Variants in TEK observed in about 807,000 individuals in gnomAD.
TEK encodes TEK receptor tyrosine kinase, also known as angiopoietin-1 receptor.
Under a neutral mutation model 131.8 loss-of-function variants are expected in TEK, and 43 were observed. That is an observed-to-expected ratio of 0.33 (90% CI 0.26 to 0.42). TEK has a LOEUF of 0.42. Ranked by LOEUF, TEK falls within the 10% of genes least tolerant of loss-of-function variation. The pLI is 1.00. For synonymous variants in TEK, 580 were observed against 491.6 expected (o/e 1.18, Z -2.38); for missense variants, 1,162 against 1,384.4 (o/e 0.84, Z 2.55).
chr9:27,158,681 G>GGC (rs1823433012), intron 2 of TEK, among the ~76,000 whole-genome samples: 2 of 149,464 alleles, frequency 1.3e-5, no homozygotes, highest in Non-Finnish European at 3.0e-5. Flanking sequence ...TTTTTGGGGG[G>GGC]GTGGAGTCTC....
At chr9:27,211,550 C>T (rs1472350674) in intron 16 of TEK, among the ~76,000 whole-genome samples, 1 of 149,080 alleles carries the variant, frequency 6.7e-6, no homozygotes, top group Non-Finnish European at 1.5e-5. Flanking sequence ...CATCCCTGGG[C>T]TCAAGCAGTC....
chr9:27,205,266 T>C (rs1194829924), intron 14 of TEK, among the ~76,000 whole-genome samples: 1 of 152,146 alleles, frequency 6.6e-6, no homozygotes, highest in African/African-American at 2.4e-5. Flanking sequence ...AGAACAATTT[T>C]GAGAGTGAAA....
At chr9:27,157,683 G>T (rs1401708813) in intron 1 of TEK, 148 bp from the exon 2 acceptor site, 5 of 960,788 alleles carry the variant, frequency 5.2e-6, no homozygotes, top group Non-Finnish European at 8.0e-6. Context: ...TTTGGATTTT[G>T]TCCAGTGGAA....
At chr9:27,195,991 A>T (rs1824993207) in intron 11 of TEK, among the ~76,000 whole-genome samples, 1 of 152,218 alleles carries the variant, frequency 6.6e-6, no homozygotes, top group African/African-American at 2.4e-5. Flanking sequence ...CCTTGATGTG[A>T]TCAGAGCAGG....
At chr9:27,215,210 A>G (rs1030673390) in intron 18 of TEK, among the ~76,000 whole-genome samples, 2 of 152,126 alleles carry the variant, frequency 1.3e-5, no homozygotes, top group African/African-American at 4.8e-5. Context: ...TATTGGGGTT[A>G]TTTACAGGGG....
intron 12 of TEK, among the ~76,000 whole-genome samples, chr9:27,198,833 C>T (rs1258186225): frequency 7.9e-5 from 12 of 152,226 alleles, no homozygotes; most frequent in Non-Finnish European, 2.9e-5. Context: ...AGGTCTTGCT[C>T]TGTTGCCCAG....
chr9:27,168,987 T>C (rs1486141186), intron 3 of TEK, among the ~76,000 whole-genome samples: 1 of 152,220 alleles, frequency 6.6e-6, no homozygotes, highest in Admixed American at 6.5e-5. Flanking sequence ...AGTCCAACTG[T>C]GTAATCCAAA....
rs481294 is a variant in TEK at position 27,190,892 on chromosome 9, C to T, written c.1489+202C>T. Among the ~76,000 whole-genome samples the T allele has an allele frequency of 0.78, 118,437 of 152,088 alleles. 46,457 individuals carry two copies. The highest frequency in any genetic ancestry group is 0.83 in the African/African-American group (34,616 of 41,502). ...GGGCTAACTTTCTGAAGTCACTGTGCGCTCTAGAACACAGAACCAGCTCAC... is the reference window on the plus strand; with the variant it reads ...GGGCTAACTTTCTGAAGTCACTGTGTGCTCTAGAACACAGAACCAGCTCAC... On this transcript the variant is annotated intron_variant, in intron 10 of 22. Transcript: ENST00000380036.
chr9:27,155,014 G>A (rs543688635), intron 1 of TEK, among the ~76,000 whole-genome samples: 2 of 152,316 alleles, frequency 1.3e-5, no homozygotes, highest in Admixed American at 6.5e-5. Context: ...CACTGCCACC[G>A]CTGGGAGCTC....
At chr9:27,146,720 ATTT>A (rs34727945) in intron 1 of TEK, among the ~76,000 whole-genome samples, 25 of 113,680 alleles carry the variant, frequency 2.2e-4, no homozygotes, top group African/African-American at 6.3e-4. Context: ...TAAACATTCT[ATTT>A]TTTTTTTTTT....
intron 1 of TEK, among the ~76,000 whole-genome samples, chr9:27,153,031 G>C (rs189534378): frequency 3.9e-5 from 6 of 152,320 alleles, no homozygotes; most frequent in African/African-American, 1.4e-4. Flanking sequence ...AAAATACAGT[G>C]AGCAAAACAT....
At chr9:27,156,628 C>G (rs779710347) in intron 1 of TEK, among the ~76,000 whole-genome samples, 11 of 152,158 alleles carry the variant, frequency 7.2e-5, no homozygotes, top group Non-Finnish European at 1.3e-4. Context: ...CCAGCTCTGC[C>G]TTCAATAGCT....
chr9:27,229,262 C>A lies in TEK; in HGVS notation c.*30C>A. 1 of 1,607,690 alleles carries A rather than the reference C, an allele frequency of 6.2e-7. No homozygotes were observed. Among genetic ancestry groups the A allele is most frequent in the Non-Finnish European group, 8.5e-7 (1 of 1,174,290 alleles). ...GAACATCTGTATACCCTCTGTTTCC[C>A]TTTCACTGGCATGGGAGACCCTTGA... On this transcript the variant is annotated 3_prime_UTR_variant, in exon 23 of 23. Coordinates refer to ENST00000380036, the MANE Select transcript of TEK (RefSeq NM_000459.5).
chr9:27,165,459 C>A (rs1429159265), intron 2 of TEK, among the ~76,000 whole-genome samples: 1 of 152,118 alleles, frequency 6.6e-6, no homozygotes, highest in Non-Finnish European at 1.5e-5. Context: ...ACCATCCAGT[C>A]CCCTGTCTGC....
chr9:27,157,761 A>C, intron 1 of TEK, 70 bp from the exon 2 acceptor site: 1 of 1,525,890 alleles, frequency 6.6e-7, no homozygotes, highest in Admixed American at 1.7e-5. Flanking sequence ...AGGCTTTGTG[A>C]GCACCAGTTT....
At chr9:27,137,817 C>T (rs1372590827) in intron 1 of TEK, among the ~76,000 whole-genome samples, 3 of 151,952 alleles carry the variant, frequency 2.0e-5, no homozygotes, top group African/African-American at 7.3e-5. Flanking sequence ...TTTCTCTCTG[C>T]CTTTCCTGGT....
intron 1 of TEK, among the ~76,000 whole-genome samples, chr9:27,136,085 A>ATTT (rs36023271): frequency 0.026 from 3,553 of 136,974 alleles, 176 homozygotes; most frequent in African/African-American, 0.09. Flanking sequence ...CAGGGCAGTT[A>ATTT]TTTTTTTTTT....
chr9:27,220,297 C>T (rs1448958282), intron 21 of TEK, 152 bp downstream of exon 21: 1 of 685,818 alleles, frequency 1.5e-6, no homozygotes, highest in Non-Finnish European at 2.6e-6. Flanking sequence ...CTTTTATTCA[C>T]CTAATACTGT....
chr9:27,163,321 A>G (rs777801595), intron 2 of TEK, among the ~76,000 whole-genome samples: 3 of 152,120 alleles, frequency 2.0e-5, no homozygotes, highest in Non-Finnish European at 2.9e-5. Flanking sequence ...GGAACACCCA[A>G]TCTAGTAGGG....
Sources: allele counts gnomAD v4.1 joint callset (sites outside exome capture counted in the v4.1 genomes callset), GRCh38; gene constraint gnomAD v4.1.1; transcripts MANE v1.5; gene names NCBI Gene and HGNC (gene_info 2026-07-23, HGNC 2026-07-21).